The following MVB12B variants were observed in gnomAD, a reference collection of about 807,000 sequenced individuals.
The protein encoded by MVB12B is ESCRT-I complex subunit MVB12B.
Under a neutral mutation model 41.6 loss-of-function variants are expected in MVB12B, and 16 were observed. The observed-to-expected ratio is 0.38, with a 90% CI of 0.26 to 0.58. MVB12B has a LOEUF of 0.58. Ranked by LOEUF, MVB12B falls within the 20% of genes least tolerant of loss-of-function variation. The pLI is 0.62. For missense variants in MVB12B, 274 were observed against 380.2 expected (o/e 0.72, Z 2.32); for synonymous variants, 133 against 139.7 (o/e 0.95, Z 0.34).
chr9:126,449,517 CAG>C (rs1050452164), intron 7 of MVB12B, among the ~76,000 whole-genome samples: 13 of 152,274 alleles, frequency 8.5e-5, no homozygotes, highest in African/African-American at 2.9e-4. Context: ...CAGAGGAAGG[CAG>C]AGAGTCATTC....
intron 7 of MVB12B, among the ~76,000 whole-genome samples, chr9:126,437,782 A>G (rs1413262530): frequency 3.3e-5 from 5 of 152,226 alleles, no homozygotes; most frequent in African/African-American, 9.6e-5. Context: ...TCATAGTTCT[A>G]TAGAAATCAG....
chr9:126,430,448 C>A (rs139312808), intron 7 of MVB12B, among the ~76,000 whole-genome samples: 280 of 152,308 alleles, frequency 1.8e-3, no homozygotes, highest in Non-Finnish European at 3.5e-3. Context: ...TCAGGCTTTT[C>A]TGATTCCTCT....
At chr9:126,490,609 T>G (rs1460625504) in intron 9 of MVB12B, among the ~76,000 whole-genome samples, 1 of 152,238 alleles carries the variant, frequency 6.6e-6, no homozygotes, top group Non-Finnish European at 1.5e-5. Flanking sequence ...GCCTCCATTT[T>G]CATTCGACTT....
chr9:126,416,153 G>A (rs536568725), intron 6 of MVB12B, among the ~76,000 whole-genome samples: 1 of 152,230 alleles, frequency 6.6e-6, no homozygotes, highest in Non-Finnish European at 1.5e-5. Flanking sequence ...CTGTGGTGCT[G>A]CATGGAGGCC....
chr9:126,488,580 A>T (rs2119217346), intron 9 of MVB12B, among the ~76,000 whole-genome samples: 1 of 152,232 alleles, frequency 6.6e-6, no homozygotes, highest in African/African-American at 2.4e-5. Context: ...CCACCCATTT[A>T]CGGAAGTCTG....
intron 1 of MVB12B, among the ~76,000 whole-genome samples, chr9:126,328,933 C>T (rs939083090): frequency 1.8e-4 from 28 of 151,978 alleles, no homozygotes; most frequent in African/African-American, 6.3e-4. Flanking sequence ...CCACCACGCT[C>T]GGCTGTTTTT....
At chr9:126,337,672 A>T (rs946297032) in intron 1 of MVB12B, among the ~76,000 whole-genome samples, 2 of 152,208 alleles carry the variant, frequency 1.3e-5, no homozygotes, top group African/African-American at 4.8e-5. Flanking sequence ...GGAGCCTGAG[A>T]AAGCTTCTGG....
chr9:126,434,468 G>A (rs988310199), intron 7 of MVB12B, among the ~76,000 whole-genome samples: 2 of 152,288 alleles, frequency 1.3e-5, no homozygotes, highest in Admixed American at 1.3e-4. Flanking sequence ...CCACTGGCGA[G>A]GCAACATCCA....
rs1830167056 is a variant in MVB12B at position 126,365,883 on chromosome 9, T to TG, written c.205-15180dup. ...GTGGTGAATGGTCAGATGTAGCACT[T>TG]GCCTGCATGGAATTTACAGACCCAG... On this transcript the variant is annotated intron_variant, in intron 2 of 9. Coordinates refer to ENST00000361171, the MANE Select transcript of MVB12B (RefSeq NM_033446.3). Among the ~76,000 whole-genome samples the TG allele has an allele frequency of 2.0e-5, 3 of 152,184 alleles. No individual in the cohort carries two copies. In the South Asian group the frequency reaches 6.2e-4, roughly 32 times the overall value.
At chr9:126,379,332 A>T (rs1438903430) in intron 2 of MVB12B, among the ~76,000 whole-genome samples, 3 of 152,222 alleles carry the variant, frequency 2.0e-5, no homozygotes, top group Non-Finnish European at 4.4e-5. Context: ...GAAATACAGT[A>T]AAGTTGCATT....
chr9:126,332,579 C>A (rs1829158722), intron 1 of MVB12B, among the ~76,000 whole-genome samples: 1 of 152,138 alleles, frequency 6.6e-6, no homozygotes, highest in Non-Finnish European at 1.5e-5. Context: ...AGTGGCTCAC[C>A]CCTGGGGTCA....
intron 7 of MVB12B, among the ~76,000 whole-genome samples, chr9:126,450,701 G>A (rs758951638): frequency 7.9e-5 from 12 of 152,322 alleles, no homozygotes; most frequent in Admixed American, 2.6e-4. Context: ...ACCCAAAGAG[G>A]TGTCGATATA....
chr9:126,456,183 G>A (rs1453311600), intron 7 of MVB12B, among the ~76,000 whole-genome samples: 2 of 152,088 alleles, frequency 1.3e-5, no homozygotes, highest in Non-Finnish European at 2.9e-5. Context: ...GAGCCACCAC[G>A]CCCCGCCTGA....
chr9:126,376,304 G>A lies in MVB12B; in HGVS notation c.205-4760G>A, dbSNP rs960426690. On this transcript the variant is annotated intron_variant, in intron 2 of 9. Coordinates refer to ENST00000361171, the MANE Select transcript of MVB12B (RefSeq NM_033446.3). The surrounding 1 kb of genome is among the most constrained non-coding windows in gnomAD (Gnocchi z 4.1). ...CCTCTGAGGATTTAATTACAGACTG[G>A]GTTCTCTGTCCTGAGCCGGCACTGT... The A allele has an allele frequency of 5.7e-6, 2 of 353,214 alleles. No individual in the cohort carries two copies. Among genetic ancestry groups the A allele is most frequent in the Admixed American group, 3.7e-5 (1 of 27,018 alleles). 21.9% of individuals were successfully genotyped at this position (353,214 alleles called of 1,614,324 possible). A position where few individuals can be genotyped will look rare whatever the true frequency, so the allele number is the denominator to read the frequency against.
chr9:126,472,703 G>C (rs949895798), intron 7 of MVB12B, among the ~76,000 whole-genome samples: 39 of 152,126 alleles, frequency 2.6e-4, no homozygotes, highest in Non-Finnish European at 7.4e-5. Context: ...CTGACATGCT[G>C]ATTTCTATGT....
intron 6 of MVB12B, among the ~76,000 whole-genome samples, chr9:126,404,316 T>C (rs1831355460): frequency 6.6e-6 from 1 of 152,108 alleles, no homozygotes; most frequent in African/African-American, 2.4e-5. Flanking sequence ...CAGGTTTAAG[T>C]TGAGGAAACT....
chr9:126,408,120 T>G (rs1304812787), intron 6 of MVB12B: 1 of 152,214 alleles, frequency 6.6e-6, no homozygotes, highest in Non-Finnish European at 1.5e-5. Flanking sequence ...AAAGGAGCAG[T>G]AGTGGAAACA....
rs1218462417 is a variant in MVB12B, at chr9:126,336,756, A to ACG, written c.82-3751_82-3750insGC. ...CACATACATGTTTGTGTGTGCACGCACACACACACACACACACACACACAC... is the reference window on the plus strand; with the variant it reads ...CACATACATGTTTGTGTGTGCACGCACGCACACACACACACACACACACACAC... On this transcript the variant is annotated intron_variant, in intron 1 of 9. Coordinates refer to ENST00000361171, the MANE Select transcript of MVB12B (RefSeq NM_033446.3). Among the ~76,000 whole-genome samples, 182 of 108,576 alleles carry ACG rather than the reference A, an allele frequency of 1.7e-3. 1 individual carries two copies. The highest frequency in any genetic ancestry group is 5.2e-3 in the African/African-American group (159 of 30,506). The allele number at this position is 108,576 out of a possible 152,430, so 71.2% of individuals were successfully genotyped here. A position where few individuals can be genotyped will look rare whatever the true frequency, so the allele number is the denominator to read the frequency against.
chr9:126,497,819 T>A (rs1381950287), intron 9 of MVB12B, among the ~76,000 whole-genome samples: 5 of 152,244 alleles, frequency 3.3e-5, no homozygotes, highest in African/African-American at 1.2e-4. Context: ...CAGCTGGCCC[T>A]GCAGCTGCTG....
Sources: gnomAD v4.1 joint callset for allele counts (sites outside exome capture counted in the v4.1 genomes callset) on GRCh38, gnomAD v4.1.1 for gene constraint, Gnocchi (gnomAD v3.1) non-coding constraint, MANE v1.5 for transcripts, NCBI Gene and HGNC (gene_info 2026-07-23, HGNC 2026-07-21) for gene names.